The following SNAP47 variants were observed in gnomAD, a reference collection of about 807,000 sequenced individuals.
SNAP47 encodes synaptosomal-associated protein 47.
SNAP47 carries 20 observed loss-of-function variants against 31.4 expected under a neutral mutation model. The observed-to-expected ratio is 0.64, with a 90% CI of 0.45 to 0.93. The LOEUF is 0.93. Among genes scored for constraint, SNAP47 ranks in the 40% least tolerant of loss-of-function variants. The pLI, the probability that SNAP47 is intolerant of heterozygous loss-of-function variation, is 0.00. For missense variants in SNAP47, 492 were observed against 528.5 expected, an observed-to-expected ratio of 0.93 and a Z score of 0.68; for synonymous variants, 194 against 213.4, an observed-to-expected ratio of 0.91 and a Z score of 0.79.
intron 4 of SNAP47, among the ~76,000 whole-genome samples, chr1:227,779,794 G>A (rs945583104): frequency 3.9e-5 from 6 of 152,034 alleles, no homozygotes; most frequent in South Asian, 2.1e-4. Flanking sequence ...TTAGCTCATC[G>A]CCCCTGCTGC....
chr1:227,734,662 C>T (rs1484580159), upstream of SNAP47: 7 of 1,614,054 alleles, frequency 4.3e-6, no homozygotes, highest in Non-Finnish European at 5.9e-6. Context: ...TGCACAAGTG[C>T]CAGTCTTTGA....
At position 227,780,682 on chromosome 1, in the gene SNAP47, C is replaced by T. The variant is rs113709165; in HGVS notation, c.*9C>T. ...TGAAGAGGCTGACCTAGGGGCAGAA[C>T]GTCCCTGCATTCCTGTCTCACCCTG... On this transcript the variant is annotated 3_prime_UTR_variant, in exon 5 of 5. Transcript: ENST00000617596. 64 of 1,613,978 alleles carry T rather than the reference C, an allele frequency of 4.0e-5. 2 individuals are homozygous for T. The highest frequency in any genetic ancestry group is 3.1e-4 in the African/African-American group (23 of 75,066).
At chr1:227,751,906 G>A (rs1360757371) in intron 2 of SNAP47, among the ~76,000 whole-genome samples, 1 of 151,996 alleles carries the variant, frequency 6.6e-6, no homozygotes, top group Non-Finnish European at 1.5e-5. Flanking sequence ...TGGGACTGCA[G>A]GTGCCCGCTA....
At chr1:227,748,500 A>G (rs1239269451) in intron 2 of SNAP47, among the ~76,000 whole-genome samples, 1 of 152,226 alleles carries the variant, frequency 6.6e-6, no homozygotes, top group Non-Finnish European at 1.5e-5. Flanking sequence ...GCCTGGCACC[A>G]CTGCCGTCCA....
At chr1:227,780,204 C>T (rs1040185057) in intron 4 of SNAP47, among the ~76,000 whole-genome samples, 8 of 152,166 alleles carry the variant, frequency 5.3e-5, no homozygotes, top group Non-Finnish European at 8.8e-5. Context: ...CCACATGCAA[C>T]GCTCCCACAA....
chr1:227,751,809 G>T (rs548308473), intron 2 of SNAP47, among the ~76,000 whole-genome samples: 9 of 127,390 alleles, frequency 7.1e-5, no homozygotes, highest in African/African-American at 1.2e-4. Context: ...TGTCTCCCAG[G>T]CTGGAGTGCA....
In SNAP47 at chr1:227,775,805, C is replaced by T. The variant is rs1346802455; in HGVS notation, c.1114-4722C>T. 25 of 1,304,160 alleles carry T rather than the reference C, an allele frequency of 1.9e-5. 1 individual carries two copies. Among genetic ancestry groups the T allele is most frequent in the South Asian group, 6.2e-5 (5 of 81,034 alleles). The allele number at this position is 1,304,160 out of a possible 1,614,324, so 80.8% of individuals were successfully genotyped here. On this transcript the variant is annotated intron_variant, in intron 4 of 4. Coordinates refer to ENST00000617596, the MANE Select transcript of SNAP47 (RefSeq NM_053052.4). The stretch of plus-strand genomic sequence containing the variant: ...GCTCTGCAGGGCTTCCGGCCTATGT[C>T]GCTGTCAACCCAGACAGTGTTGGTG...
upstream of SNAP47, chr1:227,733,809 G>A (rs1203339204): frequency 1.3e-6 from 2 of 1,586,110 alleles, no homozygotes; most frequent in Middle Eastern, 1.7e-4. Flanking sequence ...CCCACTGTGA[G>A]GCCTGTGCCA....
chr1:227,767,367 C>CGT (rs149951083), intron 4 of SNAP47, among the ~76,000 whole-genome samples: 16 of 152,048 alleles, frequency 1.1e-4, no homozygotes, highest in Non-Finnish European at 4.4e-5. Flanking sequence ...TGTACATGTC[C>CGT]GTGTGTGTGT....
intron 4 of SNAP47, among the ~76,000 whole-genome samples, chr1:227,773,127 ATTTTTT>A (rs34140624): frequency 1.1e-4 from 11 of 102,376 alleles, no homozygotes; most frequent in East Asian, 6.1e-4. Flanking sequence ...CGTCCAGCTA[ATTTTTT>A]TTTTTTTTTT....
intron 4 of SNAP47, among the ~76,000 whole-genome samples, chr1:227,774,096 G>A (rs1360357934): frequency 6.6e-6 from 1 of 152,140 alleles, no homozygotes; most frequent in Non-Finnish European, 1.5e-5. Context: ...CTCCCAGTCC[G>A]TGGCCCATCT....
rs1264897160 is a variant in SNAP47 at position 227,763,096 on chromosome 1, A to G, written c.988+3611A>G. On this transcript the variant is annotated intron_variant, in intron 3 of 4. Transcript: ENST00000617596. The surrounding 1 kb of genome is among the most constrained non-coding windows in gnomAD (Gnocchi z 4.2). ...CTTGGCCTCTCAAGTAGCTGGGACTATAGGCACATATCACCATGCCCAGCT... is the reference window on the plus strand; with the variant it reads ...CTTGGCCTCTCAAGTAGCTGGGACTGTAGGCACATATCACCATGCCCAGCT... 6.6e-6 allele frequency among the ~76,000 whole-genome samples: 1 copy of G among 151,860 alleles called. No individual in the cohort carries two copies. Among genetic ancestry groups the G allele is most frequent in the Admixed American group, 6.6e-5 (1 of 15,248 alleles).
At chr1:227,749,488 C>G (rs1171283191) in intron 2 of SNAP47, among the ~76,000 whole-genome samples, 2 of 152,174 alleles carry the variant, frequency 1.3e-5, no homozygotes, top group African/African-American at 2.4e-5. Flanking sequence ...TTCTTCCTAC[C>G]TCTGCTGGGA....
intron 4 of SNAP47, among the ~76,000 whole-genome samples, chr1:227,780,310 G>T (rs1250851860): frequency 6.6e-6 from 1 of 152,220 alleles, no homozygotes; most frequent in Non-Finnish European, 1.5e-5. Context: ...CTGGCAGGAG[G>T]TGGGGCAGGC....
At chr1:227,754,327 C>T (rs1032752040) in intron 2 of SNAP47, among the ~76,000 whole-genome samples, 5 of 152,206 alleles carry the variant, frequency 3.3e-5, no homozygotes, top group Admixed American at 2.6e-4. Flanking sequence ...TGTGTGTCTG[C>T]CTGCTAGGGT....
Position 227,759,154 on chromosome 1 carries a change from C to G in SNAP47, c.657C>G (p.His219Gln), listed in dbSNP as rs1294438416. 6.2e-7 allele frequency: 1 copy of G among 1,614,222 alleles called. No homozygotes were observed. The highest frequency in any genetic ancestry group is 1.3e-5 in the African/African-American group (1 of 75,056). Residue 219 changes from histidine to glutamine, a missense_variant, in exon 3 of 5, where the codon CAC becomes CAG. Coordinates refer to ENST00000617596, the MANE Select transcript of SNAP47 (RefSeq NM_053052.4). Reference protein sequence around the residue: ...ILIKIPAVISHRTESHVKPGR... With the variant: ...ILIKIPAVISQRTESHVKPGR... ...TAAAAATTCCTGCTGTTATTTCCCA[C>G]AGAACAGAGTCTCACGTTAAACCAG...
chr1:227,767,198 C>G (rs186917638), intron 4 of SNAP47, 115 bp downstream of exon 4: 1 of 1,457,392 alleles, frequency 6.9e-7, no homozygotes, highest in Non-Finnish European at 9.2e-7. Flanking sequence ...GTATTGGCCT[C>G]GCACCAAGGA....
upstream of SNAP47, among the ~76,000 whole-genome samples, chr1:227,730,142 G>A (rs980584165): frequency 6.6e-6 from 1 of 152,214 alleles, no homozygotes; most frequent in Non-Finnish European, 1.5e-5. Context: ...TGATAGGGAT[G>A]ACACGCAAAG....
At chr1:227,733,606 G>T, upstream of SNAP47, 1 of 1,606,284 alleles carries the variant, frequency 6.2e-7, no homozygotes. Flanking sequence ...CTGGGGGGAA[G>T]AGGAGCCACT....
Sources: allele counts gnomAD v4.1 joint callset (sites outside exome capture counted in the v4.1 genomes callset), GRCh38; gene constraint gnomAD v4.1.1; non-coding constraint Gnocchi (gnomAD v3.1); transcripts MANE v1.5; gene names NCBI Gene and HGNC (gene_info 2026-07-23, HGNC 2026-07-21).